TUT1: variants seen among roughly 807,000 people sequenced by gnomAD.
TUT1 encodes the protein speckle targeted PIP5K1A-regulated poly(A) polymerase.
TUT1 carries 26 observed loss-of-function variants against 48.8 expected under a neutral mutation model. The ratio of observed to expected loss-of-function variants is 0.53; its 90% confidence interval spans 0.39 to 0.74. The LOEUF (loss-of-function observed/expected upper bound fraction) is 0.74. Ranked by LOEUF, TUT1 falls within the 30% of genes least tolerant of loss-of-function variation. TUT1 has a pLI of 0.00. For synonymous variants in TUT1, 470 were observed against 460.8 expected, an observed-to-expected ratio of 1.02 and a Z score of -0.26; for missense variants, 1,065 against 1,114.8, an observed-to-expected ratio of 0.96 and a Z score of 0.64.
rs1367348673 is a variant in TUT1, at chr11:62,581,499, AC to A, written c.475del (p.Val159TrpfsTer5). The part of the protein sequence containing the change: ...LAKALAEAAD[V>X]GAQMIKLVGL... Reference sequence around the variant, plus strand: ...CACAAGCTTTATCATTTGTGCCCCCACGTCTGCAGCCTCAGCTAGCGCTTTG... The same window carrying A: ...CACAAGCTTTATCATTTGTGCCCCCAGTCTGCAGCCTCAGCTAGCGCTTTG... On this transcript the variant is annotated frameshift_variant, in exon 3 of 9. Transcript: ENST00000476907. LOFTEE classifies it high-confidence loss of function. 1 of 1,614,064 alleles carries A rather than the reference AC, an allele frequency of 6.2e-7. No homozygotes were observed. Among genetic ancestry groups the A allele is most frequent in the African/African-American group, 1.3e-5 (1 of 75,020 alleles).
rs371576692 is a variant in TUT1, at chr11:62,578,822, G to A, written c.899C>T (p.Ala300Val). 2.0e-5 allele frequency: 33 copies of A among 1,614,042 alleles called. No homozygotes were observed. The highest frequency in any genetic ancestry group is 2.7e-5 in the African/African-American group (2 of 74,912). The change falls in exon 5 of 9, where the codon GCT (alanine) becomes GTT (valine). Residue 300 changes from alanine (A) to valine (V), a missense_variant. Ala to Val is a moderately conservative substitution (Grantham distance 64). Transcript: ENST00000476907. ...PDSALASETL[A>V]SPQSLPPASP... is the part of the protein sequence containing the mutation. ...AGCTGGAGGCAGAGACTGGGGAGAA[G>A]CAAGGGTCTCGGAGGCCAAGGCAGA...
chr11:62,586,925 G>T (rs1336951823), intron 2 of TUT1, among the ~76,000 whole-genome samples: 1 of 148,282 alleles, frequency 6.7e-6, no homozygotes, highest in Non-Finnish European at 1.5e-5. Context: ...GGCTGGTCTC[G>T]AACTCCTGAC....
chr11:62,581,215 C>T lies in TUT1; in HGVS notation c.590-9G>A, dbSNP rs771578427. ...AGGGTGGACCACACAGCCTGGGTGC[C>T]GAGCAGAGAAGAAAGGTCAAGAGAA... On this transcript the variant is annotated splice_polypyrimidine_tract_variant and intron_variant, in intron 3 of 8. Coordinates refer to ENST00000476907, the MANE Select transcript of TUT1 (RefSeq NM_022830.3). The T allele has an allele frequency of 1.9e-6, 3 of 1,613,118 alleles. No individual in the cohort carries two copies. The highest frequency in any genetic ancestry group is 2.7e-5 in the African/African-American group (2 of 74,828).
At position 62,589,317 on chromosome 11, in the gene TUT1, C is replaced by A. The variant is rs1159518099; in HGVS notation, c.83-96G>T. On this transcript the variant is annotated intron_variant, in intron 1 of 8. Coordinates refer to ENST00000476907, the MANE Select transcript of TUT1 (RefSeq NM_022830.3). ...CCTAAATCTTACTGATCCTTCCAAG[C>A]CACAGAAACTGTGACCTTTGAATAA... is the stretch of plus-strand genomic sequence containing the variant. The A allele has an allele frequency of 2.7e-5, 32 of 1,197,004 alleles. No individual in the cohort carries two copies. The South Asian group carries it at 2.9e-4, about 11-fold the overall frequency. The allele number at this position is 1,197,004 out of a possible 1,614,324, so 74.1% of individuals were successfully genotyped here. A position where few individuals can be genotyped will look rare whatever the true frequency, so the allele number is the denominator to read the frequency against.
chr11:62,577,828 G>A (rs542200514), intron 5 of TUT1, among the ~76,000 whole-genome samples: 4 of 152,196 alleles, frequency 2.6e-5, no homozygotes, highest in South Asian at 4.1e-4. Flanking sequence ...TTGGGAGGCC[G>A]AGGCGGGCAG....
intron 4 of TUT1, among the ~76,000 whole-genome samples, chr11:62,579,380 A>G (rs1941789491): frequency 1.3e-5 from 2 of 152,336 alleles, no homozygotes; most frequent in Non-Finnish European, 2.9e-5. Context: ...CATTTCCTCA[A>G]CTTGATAATG....
At chr11:62,588,910 T>C in intron 2 of TUT1, 121 bp downstream of exon 2, 1 of 876,338 alleles carries the variant, frequency 1.1e-6, no homozygotes, top group Non-Finnish European at 1.7e-6. Flanking sequence ...GCCAGGCTGG[T>C]CTCAAACTCC....
rs1489180755 is a variant in TUT1, at chr11:62,577,010, G to A, written c.1278C>T (p.Gly426=). The A allele has an allele frequency of 1.9e-6, 3 of 1,613,878 alleles. No homozygotes were observed. Among genetic ancestry groups the A allele is most frequent in the Non-Finnish European group, 1.7e-6 (2 of 1,179,908 alleles). The change falls in exon 7 of 9, where the codon GGC becomes GGT. Residue 426 remains glycine, a synonymous_variant. Transcript: ENST00000476907. Reference sequence around the variant, plus strand: ...TCAGGGCGTAGTTACTGAGAAGGGGGCCACTCCCTGGGTAAATAAGCAATA... The same window carrying A: ...TCAGGGCGTAGTTACTGAGAAGGGGACCACTCCCTGGGTAAATAAGCAATA... ...WAQGRGLSGS[G]PLLSNYALTL...
intron 2 of TUT1, among the ~76,000 whole-genome samples, chr11:62,582,966 A>G (rs1369099754): frequency 6.6e-6 from 1 of 151,964 alleles, no homozygotes; most frequent in Non-Finnish European, 1.5e-5. Context: ...GTCTCTACTA[A>G]AAATACAAAA....
At chr11:62,577,322 G>A (rs749954082) in intron 5 of TUT1, 31 bp from the exon 6 acceptor site, 21 of 1,565,038 alleles carry the variant, frequency 1.3e-5, no homozygotes, top group Middle Eastern at 1.7e-4. Context: ...GGGTGTTAGC[G>A]CTTGGGGATG....
chr11:62,589,205 G>T lies in TUT1; in HGVS notation c.99C>A (p.Ala33=). 6.2e-7 allele frequency: 1 copy of T among 1,614,076 alleles called. No homozygotes were observed. The highest frequency in any genetic ancestry group is 8.5e-7 in the Non-Finnish European group (1 of 1,179,986). The change falls in exon 2 of 9, where the codon GCC becomes GCA. Residue 33 remains alanine, a synonymous_variant. Transcript: ENST00000476907. ...VTTANRPSLD[A]HLGGRKHRHL... is the part of the protein sequence containing the mutation. ...GCCGGTGCTTTCTGCCTCCCAAGTG[G>T]GCATCAAGGCTGGGTCCTGCAAAGA... is the stretch of plus-strand genomic sequence containing the variant.
Position 62,580,459 on chromosome 11 carries a change from CAA to C in TUT1, c.690+645_690+646del, listed in dbSNP as rs112238072. On this transcript the variant is annotated intron_variant, in intron 4 of 8. Coordinates refer to ENST00000476907, the MANE Select transcript of TUT1 (RefSeq NM_022830.3). ...TGGGTGACAGAGTTAGACGGTCTCT[CAA>C]AAAAAAAAAATACACATAAGCAAAA... Among the ~76,000 whole-genome samples the C allele has an allele frequency of 4.7e-5, 6 of 128,412 alleles. No homozygotes were observed. In the East Asian group the frequency reaches 9.0e-4, roughly 19 times the overall value. The allele number at this position is 128,412 out of a possible 152,430, so 84.2% of individuals were successfully genotyped here. A position where few individuals can be genotyped will look rare whatever the true frequency, so the allele number is the denominator to read the frequency against.
At position 62,575,890 on chromosome 11, in the gene TUT1, G is replaced by C; in HGVS notation, c.1829C>G (p.Pro610Arg). Residue 610 changes from proline to arginine, a missense_variant, in exon 9 of 9, where the codon CCT becomes CGT. Transcript: ENST00000476907. ...CTGGGTGAAGGGTGCAAGGGGTAAA[G>C]GGATCGGCGTAGCAGAGAGCAGGGA... ...PSSLLSATPI[P>R]LPLAPFTQLT... 1 of 1,614,214 alleles carries C rather than the reference G, an allele frequency of 6.2e-7. No individual in the cohort carries two copies. The highest frequency in any genetic ancestry group is 1.1e-5 in the South Asian group (1 of 91,086).
intron 8 of TUT1, 122 bp downstream of exon 8, chr11:62,576,531 GTAAT>G (rs763937688): frequency 1.5e-5 from 13 of 895,540 alleles, no homozygotes; most frequent in Non-Finnish European, 2.1e-5. Flanking sequence ...TAAAATGGCA[GTAAT>G]AATATTAGGT....
intron 2 of TUT1, chr11:62,582,424 A>C (rs1469534339): frequency 3.6e-6 from 1 of 275,064 alleles, no homozygotes; most frequent in African/African-American, 2.3e-5. Flanking sequence ...TGTCTCAAAA[A>C]AAAAAAGAAA....
Position 62,577,208 on chromosome 11 carries a change from C to T in TUT1, c.1244G>A (p.Cys415Tyr). The T allele has an allele frequency of 6.2e-7, 1 of 1,609,774 alleles. No homozygotes were observed. The highest frequency in any genetic ancestry group is 8.5e-7 in the Non-Finnish European group (1 of 1,178,698). The change falls in exon 6 of 9, where the codon TGC becomes TAC. Residue 415 changes from cysteine to tyrosine, a missense_variant. Coordinates refer to ENST00000476907, the MANE Select transcript of TUT1 (RefSeq NM_022830.3). ...TGACAGCCCCCGACCCTGAGCCCAG[C>T]AGCGGAGGGTGTACACGAGGGGCCG... is the stretch of plus-strand genomic sequence containing the variant. ...RVRPLVYTLRCWAQGRGLSGS... is the reference protein window; with the variant it reads ...RVRPLVYTLRYWAQGRGLSGS...
intron 8 of TUT1, 27 bp from the exon 9 acceptor site, chr11:62,576,271 G>A (rs951903728): frequency 1.3e-6 from 2 of 1,518,864 alleles, no homozygotes; most frequent in African/African-American, 1.4e-5. Context: ...AGTGGGGAAA[G>A]GGGGGTCACT....
At position 62,581,611 on chromosome 11, in the gene TUT1, G is replaced by A. The variant is rs765973002; in HGVS notation, c.364C>T (p.Arg122Cys). Residue 122 changes from arginine to cysteine, a missense_variant, in exon 3 of 9, where the codon CGT becomes TGT. Arg to Cys is a radical substitution (Grantham distance 180). Coordinates refer to ENST00000476907, the MANE Select transcript of TUT1 (RefSeq NM_022830.3). ...TCCTTCTGCTCCCGTGGGCGGACAC[G>A]CAGGCGATGTCCTCCCAGGCTGTGC... ...SQHSLGGHRL[R>C]VRPREQKEFQ... The A allele has an allele frequency of 3.1e-6, 5 of 1,590,184 alleles. No individual in the cohort carries two copies. The highest frequency in any genetic ancestry group is 1.8e-5 in the Admixed American group (1 of 57,092).
rs575900362 is a variant in TUT1 at position 62,583,364 on chromosome 11, C to T, written c.274-1663G>A. On this transcript the variant is annotated intron_variant, in intron 2 of 8. Transcript: ENST00000476907. ...CAGTAGCTCACGCCTAATCTCAACA[C>T]TTTGGGAGGCCTAGGCGGGTGGATC... 3.9e-5 allele frequency among the ~76,000 whole-genome samples: 6 copies of T among 152,150 alleles called. No individual in the cohort carries two copies. In the South Asian group the frequency reaches 1.2e-3, roughly 32 times the overall value.
Sources: allele counts gnomAD v4.1 joint callset (sites outside exome capture counted in the v4.1 genomes callset), GRCh38; gene constraint gnomAD v4.1.1; transcripts MANE v1.5; gene names NCBI Gene and HGNC (gene_info 2026-07-23, HGNC 2026-07-21).